Variants in BRME1 observed in about 807,000 individuals in gnomAD.
BRME1 encodes break repair meiotic recombinase recruitment factor 1.
In BRME1, 31 loss-of-function variants were observed where a neutral mutation model predicts 52.6. That is an observed-to-expected ratio of 0.59 (90% confidence interval 0.44 to 0.80). BRME1 has a LOEUF of 0.80. Ranked by LOEUF, BRME1 falls within the 30% of genes least tolerant of loss-of-function variation. The pLI is 0.00. For missense variants in BRME1, 804 were observed against 860.3 expected, an observed-to-expected ratio of 0.93 and a Z score of 0.82; for synonymous variants, 359 against 353.6, an observed-to-expected ratio of 1.02 and a Z score of -0.17.
chr19:13,901,837 A>G (rs899767399), intron 2 of BRME1, among the ~76,000 whole-genome samples: 1 of 152,046 alleles, frequency 6.6e-6, no homozygotes, highest in African/African-American at 2.4e-5. Context: ...CCAGAAGTTC[A>G]AGACCAGCCT....
chr19:13,892,969 C>T lies in BRME1; in HGVS notation c.289-79G>A, dbSNP rs1469451879. On this transcript the variant is annotated intron_variant, in intron 4 of 8. Transcript: ENST00000586783. ...TCTTAGGAAAAAAGCAACCCCAAAC[C>T]TGCTCCTTTCTTGTAGCCTTGAGAG... 1.3e-5 allele frequency: 18 copies of T among 1,425,552 alleles called. No homozygotes were observed. In the Admixed American group the frequency reaches 3.0e-4, roughly 24 times the overall value. 88.3% of individuals were successfully genotyped at this position (1,425,552 alleles called of 1,614,324 possible). A position where few individuals can be genotyped will look rare whatever the true frequency, so the allele number is the denominator to read the frequency against.
At chr19:13,902,010 C>T (rs1970328771) in intron 2 of BRME1, among the ~76,000 whole-genome samples, 1 of 151,524 alleles carries the variant, frequency 6.6e-6, no homozygotes, top group Non-Finnish European at 1.5e-5. Context: ...CACTGCTCTC[C>T]AGCCTGGGCG....
At chr19:13,902,377 T>C (rs1023588723) in intron 2 of BRME1, among the ~76,000 whole-genome samples, 1 of 152,048 alleles carries the variant, frequency 6.6e-6, no homozygotes, top group African/African-American at 2.4e-5. Flanking sequence ...CTCATGCCTG[T>C]AATCCCAGCA....
At chr19:13,899,226 G>A (rs1030730209) in intron 2 of BRME1, among the ~76,000 whole-genome samples, 10 of 147,442 alleles carry the variant, frequency 6.8e-5, no homozygotes, top group Non-Finnish European at 1.5e-4. Context: ...TCAGCTCACT[G>A]TAACCTCTGC....
At position 13,889,936 on chromosome 19, in the gene BRME1, C is replaced by A. The variant is rs1310008478; in HGVS notation, c.920G>T (p.Gly307Val). ...GGGGGTCTGCTGGGGGTCAGGGGAGCCCTGGGCCACAGACCCGGGTTCCAG... is the reference window on the plus strand; with the variant it reads ...GGGGGTCTGCTGGGGGTCAGGGGAGACCTGGGCCACAGACCCGGGTTCCAG... ...WCLEPGSVAQ[G>V]SPDPQQTPSR... The change falls in exon 6 of 9, where the codon GGC (glycine) becomes GTC (valine). Residue 307 changes from glycine (G) to valine (V), a missense_variant. Gly to Val is a moderately radical substitution (Grantham distance 109). Around this residue, in one of 3 missense-constraint regions of BRME1, gnomAD observed 552 missense variants for 561.1 expected, o/e 0.98. Coordinates refer to ENST00000586783, the MANE Select transcript of BRME1 (RefSeq NM_001345843.2). 6.2e-7 allele frequency: 1 copy of A among 1,612,570 alleles called. No individual in the cohort carries two copies. The highest frequency in any genetic ancestry group is 8.5e-7 in the Non-Finnish European group (1 of 1,179,954).
Position 13,903,985 on chromosome 19 carries a change from GC to G in BRME1, c.31+876del, listed in dbSNP as rs545473949. On this transcript the variant is annotated intron_variant, in intron 2 of 8. Transcript: ENST00000586783. ...GGTTCCGCAGGGAGGCTGTCCCGCT[GC>G]CCTGAAGCCCGGGGAGGCCTCCTCT... 3.9e-3 allele frequency among the ~76,000 whole-genome samples: 593 copies of G among 152,300 alleles called. 3 individuals are homozygous for G. The highest frequency in any genetic ancestry group is 0.014 in the African/African-American group (567 of 41,556).
Position 13,886,031 on chromosome 19 carries a change from C to G in BRME1, c.1693G>C (p.Gly565Arg). The G allele has an allele frequency of 1.9e-6, 3 of 1,614,000 alleles. No homozygotes were observed. Among genetic ancestry groups the G allele is most frequent in the Non-Finnish European group, 2.5e-6 (3 of 1,180,014 alleles). ...EQLFPSGNKP[G>R]PCWPGPSSHA... is the part of the protein sequence containing the mutation. ...GAGCTGGGGCCCGGCCAGCAAGGGCCCGGCTTGTTCCCCGAAGGAAAGAGC... is the reference window on the plus strand; with the variant it reads ...GAGCTGGGGCCCGGCCAGCAAGGGCGCGGCTTGTTCCCCGAAGGAAAGAGC... The change falls in exon 7 of 9, where the codon GGC (glycine) becomes CGC (arginine). Residue 565 changes from glycine to arginine, a missense_variant. Gly to Arg is a moderately radical substitution (Grantham distance 125). Coordinates refer to ENST00000586783, the MANE Select transcript of BRME1 (RefSeq NM_001345843.2).
intron 2 of BRME1, among the ~76,000 whole-genome samples, chr19:13,901,541 A>C (rs1330487581): frequency 6.6e-6 from 1 of 151,954 alleles, no homozygotes; most frequent in Non-Finnish European, 1.5e-5. Context: ...TCTACTAAAA[A>C]TGCAAAAATT....
At chr19:13,893,247 A>C (rs1969645120) in intron 3 of BRME1, 24 bp from the exon 4 acceptor site, 1 of 1,556,890 alleles carries the variant, frequency 6.4e-7, no homozygotes, top group African/African-American at 1.4e-5. Flanking sequence ...GATAAAACTG[A>C]AGGAGATCTG....
intron 6 of BRME1, 124 bp downstream of exon 6, chr19:13,889,064 C>A: frequency 1.1e-6 from 1 of 886,032 alleles, no homozygotes; most frequent in South Asian, 1.8e-5. Flanking sequence ...TAGTCGTTGG[C>A]TGTGTAAATG....
rs117615888 is a variant in BRME1 at position 13,889,211 on chromosome 19, C to T, written c.1645G>A (p.Asp549Asn). 1.0e-4 allele frequency: 165 copies of T among 1,597,608 alleles called. No homozygotes were observed. In the East Asian group the frequency reaches 2.8e-3, roughly 28 times the overall value. ...SQIQDALDAS[D>N]FEAPPEQLFP... is the part of the protein sequence containing the mutation. ...ACCTGCTCAGGTGGGGCTTCGAAGT[C>T]AGAGGCGTCCAGGGCATCCTGTATC... is the stretch of plus-strand genomic sequence containing the variant. The change falls in exon 6 of 9, where the codon GAC becomes AAC. Residue 549 changes from aspartate (D) to asparagine (N), a missense_variant. By Grantham distance (23) the Asp-to-Asn change is conservative. Transcript: ENST00000586783.
In BRME1 at chr19:13,890,454, G is replaced by T; in HGVS notation, c.402C>A (p.Ile134=). ...RGSGAFSLET[I]AESSAQSPGC... Reference sequence around the variant, plus strand: ...CTGGACTCTGGGCGCTGGACTCTGCGATTGTTTCCTGTGGACAGAAAAAGA... The same window carrying T: ...CTGGACTCTGGGCGCTGGACTCTGCTATTGTTTCCTGTGGACAGAAAAAGA... Residue 134 remains isoleucine (I), a synonymous_variant, in exon 6 of 9, where the codon ATC becomes ATA. Coordinates refer to ENST00000586783, the MANE Select transcript of BRME1 (RefSeq NM_001345843.2). 1 of 1,494,466 alleles carries T rather than the reference G, an allele frequency of 6.7e-7. No individual in the cohort carries two copies. The highest frequency in any genetic ancestry group is 8.9e-7 in the Non-Finnish European group (1 of 1,127,742). The allele number at this position is 1,494,466 out of a possible 1,614,324, so 92.6% of individuals were successfully genotyped here.
At chr19:13,893,422 CA>C (rs1403297822) in intron 3 of BRME1, among the ~76,000 whole-genome samples, 199 bp from the exon 4 acceptor site, 1 of 152,148 alleles carries the variant, frequency 6.6e-6, no homozygotes, top group Non-Finnish European at 1.5e-5. Flanking sequence ...CCTGTAATCC[CA>C]GCTACTTGGG....
chr19:13,890,894 G>A (rs1173679161), intron 5 of BRME1, among the ~76,000 whole-genome samples: 1 of 151,950 alleles, frequency 6.6e-6, no homozygotes, highest in Non-Finnish European at 1.5e-5. Context: ...GGCAAAAACT[G>A]CACTTACTTT....
At chr19:13,886,584 G>A (rs1036388359) in intron 6 of BRME1, among the ~76,000 whole-genome samples, 19 of 152,160 alleles carry the variant, frequency 1.2e-4, no homozygotes, top group Non-Finnish European at 1.9e-4. Flanking sequence ...ACTCCACGGC[G>A]CTTAAGCTTC....
At chr19:13,893,088 C>CT in intron 4 of BRME1, 54 bp downstream of exon 4, 1 of 1,519,556 alleles carries the variant, frequency 6.6e-7, no homozygotes, top group Non-Finnish European at 9.0e-7. Flanking sequence ...AGAGCCGGAA[C>CT]TTTAAGGGAG....
At chr19:13,886,433 G>A (rs1346497840) in intron 6 of BRME1, among the ~76,000 whole-genome samples, 1 of 152,222 alleles carries the variant, frequency 6.6e-6, no homozygotes, top group Non-Finnish European at 1.5e-5. Flanking sequence ...CGGGTACAGA[G>A]AAAACACAAA....
chr19:13,890,379 C>T lies in BRME1; in HGVS notation c.477G>A (p.Thr159=), dbSNP rs370371789. ...ETLGVPLQEA[T]ELGDPTQADS... ...CTGCCTGCGTTGGGTCCCCCAGCTCCGTGGCCTCCTGGAGGGGGACCCCCA... is the reference window on the plus strand; with the variant it reads ...CTGCCTGCGTTGGGTCCCCCAGCTCTGTGGCCTCCTGGAGGGGGACCCCCA... The change falls in exon 6 of 9, where the codon ACG becomes ACA. Residue 159 remains threonine (T), a synonymous_variant. Coordinates refer to ENST00000586783, the MANE Select transcript of BRME1 (RefSeq NM_001345843.2). 54 of 1,546,122 alleles carry T rather than the reference C, an allele frequency of 3.5e-5. No homozygotes were observed. The highest frequency in any genetic ancestry group is 6.0e-5 in the Admixed American group (3 of 50,210).
rs547711327 is a variant in BRME1, at chr19:13,904,871, G to A, written c.22C>T (p.Arg8Trp). 37 of 1,613,688 alleles carry A rather than the reference G, an allele frequency of 2.3e-5. No homozygotes were observed. Among genetic ancestry groups the A allele is most frequent in the South Asian group, 1.9e-4 (17 of 91,068 alleles). ...ATTTGAATGAACGTACCTGAGGTCC[G>A]CAGCTTCTTCCTCTTAGTCATTTTA... MTKRKKLRTSGEGLCPPK... is the reference protein window; with the variant it reads MTKRKKLWTSGEGLCPPK... The change falls in exon 2 of 9, where the codon CGG becomes TGG. Residue 8 changes from arginine to tryptophan, a missense_variant. Arg to Trp is a moderately radical substitution (Grantham distance 101, BLOSUM62 -3). Coordinates refer to ENST00000586783, the MANE Select transcript of BRME1 (RefSeq NM_001345843.2).
Sources: gnomAD v4.1 joint callset for allele counts (sites outside exome capture counted in the v4.1 genomes callset) on GRCh38, gnomAD v4.1.1 for gene constraint, gnomAD v4.1.1 regional missense constraint, MANE v1.5 for transcripts, NCBI Gene and HGNC (gene_info 2026-07-23, HGNC 2026-07-21) for gene names.